Variants in GLG1 observed in about 807,000 individuals in gnomAD.
GLG1 encodes Golgi apparatus protein 1.
GLG1 carries 38 observed loss-of-function variants against 160.5 expected under a neutral mutation model. That is an observed-to-expected ratio of 0.24 (90% confidence interval 0.18 to 0.31). The LOEUF is 0.31. Among genes scored for constraint, GLG1 ranks in the 10% least tolerant of loss-of-function variants. The probability of loss-of-function intolerance (pLI) is 1.00; values close to 1 mark genes in which losing one functional copy is unlikely to be tolerated. For synonymous variants in GLG1, 644 were observed against 543.4 expected (o/e 1.19, Z -2.57); for missense variants, 1,373 against 1,505.2 (o/e 0.91, Z 1.45).
At chr16:74,540,084 ATATATATAT>A (rs1228361069) in intron 1 of GLG1, among the ~76,000 whole-genome samples, 32 of 1,420 alleles carry the variant, frequency 0.023, 15 homozygotes, top group Non-Finnish European at 0.16. Flanking sequence ...TATATATTTT[ATATATATAT>A]TATATATATT....
intron 2 of GLG1, among the ~76,000 whole-genome samples, chr16:74,531,745 T>G: frequency 6.6e-6 from 1 of 152,226 alleles, no homozygotes; most frequent in East Asian, 1.9e-4. Context: ...TGCACAGAGT[T>G]GATTTCACAT....
chr16:74,580,473 T>C (rs530662740), intron 1 of GLG1, among the ~76,000 whole-genome samples: 5 of 152,258 alleles, frequency 3.3e-5, no homozygotes, highest in African/African-American at 9.6e-5. Flanking sequence ...CACTCCAGCA[T>C]AGGAAACAGA....
intron 1 of GLG1, among the ~76,000 whole-genome samples, chr16:74,588,054 C>A (rs188375617): frequency 6.7e-6 from 1 of 149,808 alleles, no homozygotes; most frequent in East Asian, 2.0e-4. Flanking sequence ...TGAAGATCAG[C>A]AATAGCAATT....
At chr16:74,536,316 A>G (rs2017686065) in intron 1 of GLG1, among the ~76,000 whole-genome samples, 1 of 152,356 alleles carries the variant, frequency 6.6e-6, no homozygotes, top group Admixed American at 6.5e-5. Context: ...TACTAAAATA[A>G]GATAAAACTG....
chr16:74,452,777 G>C lies in GLG1; in HGVS notation c.*390C>G. The C allele has an allele frequency of 2.0e-6, 2 of 991,016 alleles. No individual in the cohort carries two copies. Among genetic ancestry groups the C allele is most frequent in the Non-Finnish European group, 2.4e-6 (2 of 832,628 alleles). 61.4% of individuals were successfully genotyped at this position (991,016 alleles called of 1,614,324 possible). ...CCCAAATCAAGCCTGGAGGAGATGC[G>C]TTACTATATACATTTTTTTCTTTAA... On this transcript the variant is annotated 3_prime_UTR_variant, in exon 26 of 26. Coordinates refer to ENST00000422840, the MANE Select transcript of GLG1 (RefSeq NM_001145667.2).
At chr16:74,586,033 AG>A (rs1333618409) in intron 1 of GLG1, among the ~76,000 whole-genome samples, 1 of 150,778 alleles carries the variant, frequency 6.6e-6, no homozygotes, top group Non-Finnish European at 1.5e-5. Context: ...ACTGCACTCT[AG>A]CCTGGACAAC....
intron 1 of GLG1, among the ~76,000 whole-genome samples, chr16:74,593,536 G>C (rs780306923): frequency 3.4e-5 from 5 of 149,132 alleles, no homozygotes; most frequent in Admixed American, 2.0e-4. Flanking sequence ...CCAGGTTCAA[G>C]CGATTCTCCT....
chr16:74,455,031 G>T lies in GLG1; in HGVS notation c.3372+1618C>A, dbSNP rs559540464. On this transcript the variant is annotated intron_variant, in intron 25 of 25. Transcript: ENST00000422840. ...CACTTGAGCCCAGGAGTTCGAGGCT[G>T]CAGTGAGCCATGTTCACACCACTGC... 3.3e-5 allele frequency among the ~76,000 whole-genome samples: 5 copies of T among 152,234 alleles called. No individual in the cohort carries two copies. The East Asian group carries it at 9.7e-4, about 29-fold the overall frequency.
chr16:74,459,712 C>T lies in GLG1; in HGVS notation c.3114G>A (p.Leu1038=). 2 of 1,594,676 alleles carry T rather than the reference C, an allele frequency of 1.3e-6. No individual in the cohort carries two copies. The highest frequency in any genetic ancestry group is 1.7e-5 in the Admixed American group (1 of 59,128). Residue 1038 remains leucine (L), a synonymous_variant, in exon 23 of 26, where the codon CTG becomes CTA. Transcript: ENST00000422840. ...TACACAATTCTGTTTTGATCTTGAG[C>T]AGGTTGACCTTGAGGCACTCCTCCA... ...GQVEECLKVN[L]LKIKTELCKK...
intron 23 of GLG1, chr16:74,458,242 TC>T: frequency 5.1e-6 from 2 of 391,436 alleles, no homozygotes; most frequent in South Asian, 1.3e-4. Context: ...GACTGTAAGA[TC>T]AGATTTGTGT....
At chr16:74,541,158 T>A (rs2017854529) in intron 1 of GLG1, among the ~76,000 whole-genome samples, 1 of 151,896 alleles carries the variant, frequency 6.6e-6, no homozygotes, top group East Asian at 1.9e-4. Flanking sequence ...ACCCTGTCTC[T>A]ACTAAAAATA....
intron 11 of GLG1, among the ~76,000 whole-genome samples, chr16:74,477,939 C>G (rs2015446346): frequency 6.7e-6 from 1 of 150,340 alleles, no homozygotes; most frequent in Non-Finnish European, 1.5e-5. Context: ...CACTACTGCA[C>G]TCCAGCCTGG....
At chr16:74,556,276 G>A (rs1181104520) in intron 1 of GLG1, among the ~76,000 whole-genome samples, 1 of 152,080 alleles carries the variant, frequency 6.6e-6, no homozygotes, top group Non-Finnish European at 1.5e-5. Flanking sequence ...GTTAGGTGCT[G>A]GAAACAAGCA....
At chr16:74,463,524 A>G (rs369716776) in intron 19 of GLG1, 45 bp from the exon 20 acceptor site, 4 of 1,598,374 alleles carry the variant, frequency 2.5e-6, no homozygotes, top group Middle Eastern at 1.7e-4. Context: ...AAACATGGCG[A>G]TTAACTCCAT....
In GLG1 at chr16:74,482,156, AT is replaced by A. The variant is rs545138912; in HGVS notation, c.1673+866del. Among the ~76,000 whole-genome samples the A allele has an allele frequency of 4.3e-3, 649 of 151,392 alleles. 6 individuals are homozygous for A. The highest frequency in any genetic ancestry group is 0.015 in the African/African-American group (624 of 41,298). ...AGGTGCACACTACCATACCTGGCTG[AT>A]TTTTTTTTAGTTTTTATAGAGACAA... On this transcript the variant is annotated intron_variant, in intron 10 of 25. Transcript: ENST00000422840.
intron 18 of GLG1, 53 bp downstream of exon 18, chr16:74,467,703 A>T: frequency 1.7e-6 from 2 of 1,196,380 alleles, no homozygotes; most frequent in South Asian, 1.3e-5. Flanking sequence ...AGAAAACATT[A>T]AATATTACCT....
chr16:74,536,158 G>A (rs1253712849), intron 1 of GLG1, among the ~76,000 whole-genome samples: 1 of 152,128 alleles, frequency 6.6e-6, no homozygotes, highest in Non-Finnish European at 1.5e-5. Flanking sequence ...ATTCGGGTTT[G>A]GTTCTCATAC....
In GLG1 at chr16:74,453,002, G is replaced by A. The variant is rs532117521; in HGVS notation, c.*165C>T. The stretch of plus-strand genomic sequence containing the variant: ...ACGGTGAGGAGGAGGAGGACACCAT[G>A]GACACGAGTGGAGGCTGGATGGGAC... On this transcript the variant is annotated 3_prime_UTR_variant, in exon 26 of 26. Coordinates refer to ENST00000422840, the MANE Select transcript of GLG1 (RefSeq NM_001145667.2). 8.6e-5 allele frequency: 117 copies of A among 1,356,930 alleles called. 3 individuals are homozygous for A. The South Asian group carries it at 2.3e-3, about 27-fold the overall frequency. The allele number at this position is 1,356,930 out of a possible 1,614,324, so 84.1% of individuals were successfully genotyped here. A position where few individuals can be genotyped will look rare whatever the true frequency, so the allele number is the denominator to read the frequency against.
chr16:74,563,791 G>A (rs925101994), intron 1 of GLG1, among the ~76,000 whole-genome samples: 16 of 151,570 alleles, frequency 1.1e-4, no homozygotes, highest in Admixed American at 6.6e-5. Flanking sequence ...ATGCTCCATA[G>A]CAGATTCTAC....
Sources: allele counts gnomAD v4.1 joint callset (sites outside exome capture counted in the v4.1 genomes callset), GRCh38; gene constraint gnomAD v4.1.1; transcripts MANE v1.5; gene names NCBI Gene and HGNC (gene_info 2026-07-23, HGNC 2026-07-21).